STX18: variants seen among roughly 807,000 people sequenced by gnomAD.
The protein encoded by STX18 is syntaxin 18.
Under a neutral mutation model 50.1 loss-of-function variants are expected in STX18, and 40 were observed. The observed-to-expected ratio is 0.80, with a 90% CI of 0.62 to 1.04. The LOEUF (loss-of-function observed/expected upper bound fraction) is 1.04, where lower values mean the gene tolerates loss of function less well. Ranked by LOEUF, STX18 falls within the 50% of genes least tolerant of loss-of-function variation. The pLI, the probability that STX18 is intolerant of heterozygous loss-of-function variation, is 0.00. For missense variants in STX18, 410 were observed against 415.8 expected, an observed-to-expected ratio of 0.99 and a Z score of 0.12; for synonymous variants, 158 against 151.8, an observed-to-expected ratio of 1.04 and a Z score of -0.30.
At chr4:4,492,436 A>C (rs930953528) in intron 1 of STX18, among the ~76,000 whole-genome samples, 1 of 152,178 alleles carries the variant, frequency 6.6e-6, no homozygotes, top group African/African-American at 2.4e-5. Flanking sequence ...TTTTCATAAG[A>C]AAAGAAAGTG....
intron 1 of STX18, among the ~76,000 whole-genome samples, chr4:4,501,408 A>T (rs917933037): frequency 6.6e-6 from 1 of 152,190 alleles, no homozygotes; most frequent in Non-Finnish European, 1.5e-5. Flanking sequence ...GAATGACTGC[A>T]TTTTAAAAAC....
intron 1 of STX18, 32 bp downstream of exon 1, chr4:4,541,748 GCAGGACTGCCCCCTCCT>G (rs1341810702): frequency 6.4e-7 from 1 of 1,559,980 alleles, no homozygotes; most frequent in East Asian, 2.3e-5. Flanking sequence ...GGTCCCTGTC[GCAGGACTGCCCCCTCCT>G]CAACCCGCCG....
chr4:4,523,720 C>T (rs1314395296), intron 1 of STX18, among the ~76,000 whole-genome samples: 1 of 152,208 alleles, frequency 6.6e-6, no homozygotes, highest in Non-Finnish European at 1.5e-5. Flanking sequence ...ACTGGTCCTC[C>T]TCCTTGCTGC....
At chr4:4,427,263 G>A (rs1050265465) in intron 7 of STX18, among the ~76,000 whole-genome samples, 13 of 152,188 alleles carry the variant, frequency 8.5e-5, no homozygotes, top group African/African-American at 2.9e-4. Context: ...TGGGAAGGGC[G>A]GAAGTGCCAG....
intron 1 of STX18, among the ~76,000 whole-genome samples, chr4:4,536,142 G>A (rs944530422): frequency 7.2e-5 from 11 of 152,132 alleles, no homozygotes; most frequent in Non-Finnish European, 1.0e-4. Flanking sequence ...TCTTAATACC[G>A]GACTAAGTAT....
intron 1 of STX18, among the ~76,000 whole-genome samples, chr4:4,497,381 C>CA (rs1729227458): frequency 6.6e-6 from 1 of 152,210 alleles, no homozygotes; most frequent in Admixed American, 6.5e-5. Context: ...ACTGACTGAT[C>CA]AGGCCCTGGA....
chr4:4,534,604 C>G (rs893106422), intron 1 of STX18, among the ~76,000 whole-genome samples: 1 of 152,222 alleles, frequency 6.6e-6, no homozygotes, highest in African/African-American at 2.4e-5. Context: ...TTGTTACATT[C>G]CAAACCCATC....
In STX18 at chr4:4,454,389, G is replaced by T. The variant is rs368556915; in HGVS notation, c.497+2802C>A. ...GATATTAATTTGTATTTTAGTCAAG[G>T]CCTCTGCTGAGAAACAAGAACTAAG... On this transcript the variant is annotated intron_variant, in intron 5 of 10. Transcript: ENST00000306200. 4.6e-5 allele frequency among the ~76,000 whole-genome samples: 7 copies of T among 152,278 alleles called. No homozygotes were observed. The East Asian group carries it at 1.2e-3, about 25-fold the overall frequency.
chr4:4,470,371 T>C (rs1162577440), intron 2 of STX18, among the ~76,000 whole-genome samples: 1 of 152,092 alleles, frequency 6.6e-6, no homozygotes, highest in Non-Finnish European at 1.5e-5. Context: ...GGGTGCAAAA[T>C]CACCACAGTT....
At chr4:4,508,251 T>C (rs1264309248) in intron 1 of STX18, among the ~76,000 whole-genome samples, 1 of 152,214 alleles carries the variant, frequency 6.6e-6, no homozygotes, top group Non-Finnish European at 1.5e-5. Context: ...GTCTTAAGTA[T>C]GTCATATGTG....
chr4:4,442,991 T>C (rs1401561230), intron 5 of STX18, among the ~76,000 whole-genome samples: 1 of 152,186 alleles, frequency 6.6e-6, no homozygotes, highest in Non-Finnish European at 1.5e-5. Context: ...ATTTCTTGCC[T>C]ACTGGGACTG....
chr4:4,430,989 G>A (rs1250063602), intron 7 of STX18, among the ~76,000 whole-genome samples: 1 of 152,092 alleles, frequency 6.6e-6, no homozygotes, highest in Non-Finnish European at 1.5e-5. Flanking sequence ...AGGTGATTAC[G>A]AATATCCTCA....
chr4:4,534,926 G>A (rs1008306260), intron 1 of STX18, among the ~76,000 whole-genome samples: 6 of 152,202 alleles, frequency 3.9e-5, no homozygotes, highest in African/African-American at 1.4e-4. Context: ...CCAGTTTGTG[G>A]ACCCCTGCTC....
chr4:4,539,863 G>T (rs1731499124), intron 1 of STX18, among the ~76,000 whole-genome samples: 1 of 152,190 alleles, frequency 6.6e-6, no homozygotes, highest in Admixed American at 6.5e-5. Context: ...CAAAGGGCTT[G>T]CCAACCCAAC....
At chr4:4,538,249 T>C (rs76321302) in intron 1 of STX18, among the ~76,000 whole-genome samples, 1 of 152,316 alleles carries the variant, frequency 6.6e-6, no homozygotes, top group Non-Finnish European at 1.5e-5. Context: ...CAAAGGATTC[T>C]GAGCTATAGG....
At chr4:4,535,594 C>T (rs1731294434) in intron 1 of STX18, among the ~76,000 whole-genome samples, 1 of 152,120 alleles carries the variant, frequency 6.6e-6, no homozygotes. Context: ...GGCGAATGAA[C>T]CTCTCTCCCC....
chr4:4,420,971 T>A lies in STX18; in HGVS notation c.832-27A>T, dbSNP rs758488438. 1.2e-6 allele frequency: 2 copies of A among 1,609,766 alleles called. No individual in the cohort carries two copies. The highest frequency in any genetic ancestry group is 2.2e-5 in the South Asian group (2 of 90,974). On this transcript the variant is annotated intron_variant, in intron 9 of 10. Coordinates refer to ENST00000306200, the MANE Select transcript of STX18 (RefSeq NM_016930.4). The surrounding 1 kb of genome is among the most constrained non-coding windows in gnomAD (Gnocchi z 4.3). ...TGTGGAAGAAAAGATAAATACAAGTTGAGTATCCTTTATCCAAAAACCTGA... is the reference window on the plus strand; with the variant it reads ...TGTGGAAGAAAAGATAAATACAAGTAGAGTATCCTTTATCCAAAAACCTGA...
At chr4:4,537,689 C>A (rs568748656) in intron 1 of STX18, among the ~76,000 whole-genome samples, 8 of 152,306 alleles carry the variant, frequency 5.3e-5, no homozygotes, top group African/African-American at 1.9e-4. Flanking sequence ...CATGTAGGCA[C>A]CTGCATACCT....
At chr4:4,471,519 G>C (rs1157520707) in intron 2 of STX18, 120 bp downstream of exon 2, 5 of 609,810 alleles carry the variant, frequency 8.2e-6, no homozygotes, top group Non-Finnish European at 1.4e-5. Context: ...CTGCCAAACT[G>C]GTCTTCCTCA....
Sources: allele counts gnomAD v4.1 joint callset (sites outside exome capture counted in the v4.1 genomes callset), GRCh38; gene constraint gnomAD v4.1.1; non-coding constraint Gnocchi (gnomAD v3.1); transcripts MANE v1.5; gene names NCBI Gene and HGNC (gene_info 2026-07-23, HGNC 2026-07-21).